Variants in CELF2 observed in about 807,000 individuals in gnomAD.
CELF2 encodes CUG triplet repeat RNA-binding protein 2.
Under a neutral mutation model 62.6 loss-of-function variants are expected in CELF2, and 8 were observed. That is an observed-to-expected ratio of 0.13 (90% CI 0.07 to 0.23). CELF2 has a LOEUF of 0.23. Ranked by LOEUF, CELF2 falls within the 10% of genes least tolerant of loss-of-function variation. The pLI is 1.00. For missense variants in CELF2, 333 were observed against 671.0 expected, an observed-to-expected ratio of 0.50 and a Z score of 5.56; for synonymous variants, 258 against 250.0, an observed-to-expected ratio of 1.03 and a Z score of -0.30.
the CELF2 span, among the ~76,000 whole-genome samples, chr10:10,647,884 G>A: frequency 6.6e-6 from 1 of 152,104 alleles, no homozygotes; most frequent in Admixed American, 6.5e-5. Flanking sequence ...ACTGAATCCT[G>A]GGCACTGCTC....
the CELF2 span, among the ~76,000 whole-genome samples, chr10:10,705,635 T>C: frequency 6.6e-6 from 1 of 152,188 alleles, no homozygotes; most frequent in Admixed American, 6.5e-5. Flanking sequence ...GGGTTTGGGT[T>C]TGTATCTTTC....
At chr10:10,675,562 TTTTCTC>T in the CELF2 span, among the ~76,000 whole-genome samples, 1 of 148,210 alleles carries the variant, frequency 6.7e-6, no homozygotes, top group Non-Finnish European at 1.5e-5. Context: ...AAGTATTTCT[TTTTCTC>T]TTTCTTTCCC....
At chr10:10,758,256 A>G in the CELF2 span, among the ~76,000 whole-genome samples, 2 of 152,368 alleles carry the variant, frequency 1.3e-5, no homozygotes, top group African/African-American at 2.4e-5. Flanking sequence ...ACAAGAGGAC[A>G]CAAATGCATC....
chr10:10,820,228 G>C (rs568472090), intron 1 of CELF2, among the ~76,000 whole-genome samples: 5 of 152,142 alleles, frequency 3.3e-5, no homozygotes, highest in African/African-American at 9.6e-5. Context: ...TCTCAGTTTC[G>C]GGTACGTCTT....
chr10:11,142,832 G>A (rs1465405493), intron 1 of CELF2, among the ~76,000 whole-genome samples: 2 of 152,200 alleles, frequency 1.3e-5, no homozygotes, highest in Non-Finnish European at 2.9e-5. Flanking sequence ...CAGGTAGTTA[G>A]GAAGAGATTC....
At chr10:10,888,308 G>T (rs2061897971) in intron 1 of CELF2, among the ~76,000 whole-genome samples, 1 of 152,184 alleles carries the variant, frequency 6.6e-6, no homozygotes, top group Non-Finnish European at 1.5e-5. Flanking sequence ...ATTTAATCGT[G>T]CACGCAGGGT....
the CELF2 span, chr10:10,792,284 A>G: frequency 5.0e-6 from 2 of 397,246 alleles, no homozygotes; most frequent in Admixed American, 8.8e-5. Flanking sequence ...ATCTGTCTTC[A>G]AGTGAATCTG....
At chr10:10,865,836 T>C (rs79942766) in intron 1 of CELF2, among the ~76,000 whole-genome samples, 1 of 152,120 alleles carries the variant, frequency 6.6e-6, no homozygotes, top group Non-Finnish European at 1.5e-5. Flanking sequence ...TTTTTTTTTT[T>C]TGAAGTGTGA....
chr10:11,194,209 G>T (rs2056803361), intron 2 of CELF2, among the ~76,000 whole-genome samples: 1 of 151,962 alleles, frequency 6.6e-6, no homozygotes, highest in Non-Finnish European at 1.5e-5. Context: ...GGGACTACAG[G>T]CACACGCCAC....
intron 1 of CELF2, among the ~76,000 whole-genome samples, chr10:10,869,041 G>T (rs527577620): frequency 1.3e-5 from 2 of 152,120 alleles, no homozygotes; most frequent in Non-Finnish European, 2.9e-5. Flanking sequence ...TACTGCATAT[G>T]TCTATTTCTA....
chr10:10,840,878 T>C (rs192850686), intron 1 of CELF2, among the ~76,000 whole-genome samples: 1 of 152,248 alleles, frequency 6.6e-6, no homozygotes, highest in African/African-American at 2.4e-5. Context: ...TGTGTGATGT[T>C]CTCCTCCCTG....
At chr10:11,185,477 C>T (rs1429889963) in intron 2 of CELF2, among the ~76,000 whole-genome samples, 9 of 152,184 alleles carry the variant, frequency 5.9e-5, no homozygotes, top group Non-Finnish European at 1.3e-4. Flanking sequence ...TTCAATGGCA[C>T]GATCTCGGCT....
At chr10:10,648,141 A>T in the CELF2 span, among the ~76,000 whole-genome samples, 1 of 152,232 alleles carries the variant, frequency 6.6e-6, no homozygotes, top group Non-Finnish European at 1.5e-5. Context: ...AATGTAAAGC[A>T]AAAACCCACT....
the CELF2 span, among the ~76,000 whole-genome samples, chr10:10,721,693 G>T: frequency 6.6e-6 from 1 of 152,168 alleles, no homozygotes; most frequent in East Asian, 1.9e-4. Context: ...GTAAACCACT[G>T]ATATATCCAC....
At chr10:10,525,154 G>T in the CELF2 span, among the ~76,000 whole-genome samples, 1 of 152,176 alleles carries the variant, frequency 6.6e-6, no homozygotes, top group Middle Eastern at 3.4e-3. Flanking sequence ...TAAAATCTAT[G>T]CTCTTAGCAA....
intron 2 of CELF2, among the ~76,000 whole-genome samples, chr10:11,198,302 T>G (rs2058455508): frequency 6.6e-6 from 1 of 152,252 alleles, no homozygotes; most frequent in African/African-American, 2.4e-5. Context: ...TGATAAAAAC[T>G]GCATTCAGCA....
rs2094764463 is a variant in CELF2 at position 11,314,198 on chromosome 10, G to A, written c.1036G>A (p.Gly346Arg). ...AGCCATGAACTCCTTGACCTCTCTC[G>A]GGACTCTGCAAGGACTGGCTGGAGC... ...GAAMNSLTSLGTLQGLAGATV... is the reference protein window; with the variant it reads ...GAAMNSLTSLRTLQGLAGATV... Residue 346 changes from glycine to arginine, a missense_variant, in exon 10 of 13, where the codon GGG becomes AGG. Coordinates refer to ENST00000633077, the MANE Select transcript of CELF2 (RefSeq NM_001326342.2). The surrounding 1 kb of genome is among the most constrained non-coding windows in gnomAD (Gnocchi z 5.3). The A allele has an allele frequency of 6.2e-7, 1 of 1,613,814 alleles. No individual in the cohort carries two copies. Among genetic ancestry groups the A allele is most frequent in the African/African-American group, 1.3e-5 (1 of 74,860 alleles).
the CELF2 span, among the ~76,000 whole-genome samples, chr10:10,528,498 T>C: frequency 6.6e-6 from 1 of 152,320 alleles, no homozygotes; most frequent in East Asian, 1.9e-4. Context: ...GACATTAATA[T>C]GTTAATCTAC....
At chr10:11,080,816 C>T (rs183648763) in intron 1 of CELF2, among the ~76,000 whole-genome samples, 37 of 152,300 alleles carry the variant, frequency 2.4e-4, no homozygotes, top group Admixed American at 2.3e-3. Context: ...TCCTGATAGT[C>T]ACCTAATGAA....
Sources: allele counts gnomAD v4.1 joint callset (sites outside exome capture counted in the v4.1 genomes callset), GRCh38; gene constraint gnomAD v4.1.1; non-coding constraint Gnocchi (gnomAD v3.1); transcripts MANE v1.5; gene names NCBI Gene and HGNC (gene_info 2026-07-23, HGNC 2026-07-21).